DLG2: variants seen among roughly 807,000 people sequenced by gnomAD.
The protein encoded by DLG2 is disks large homolog 2.
A neutral mutation model predicts 132.5 loss-of-function variants in DLG2; 45 were observed. That is an observed-to-expected ratio of 0.34 (90% CI 0.27 to 0.44). DLG2 has a LOEUF of 0.44. DLG2 is among the 20% of genes least tolerant of loss of function. DLG2 has a pLI of 1.00. For synonymous variants in DLG2, 424 were observed against 419.6 expected (o/e 1.01, Z -0.13); for missense variants, 1,045 against 1,196.9 (o/e 0.87, Z 1.87).
At chr11:84,900,692 T>A (rs751812039) in intron 6 of DLG2, among the ~76,000 whole-genome samples, 2 of 152,080 alleles carry the variant, frequency 1.3e-5, no homozygotes, top group Non-Finnish European at 2.9e-5. Context: ...TCATTGAAGA[T>A]AGAACTAAAT....
chr11:84,961,827 G>C (rs1208825251), intron 6 of DLG2, among the ~76,000 whole-genome samples: 1 of 152,160 alleles, frequency 6.6e-6, no homozygotes, highest in Non-Finnish European at 1.5e-5. Flanking sequence ...AAGGTCTGTA[G>C]CTGAAACTGA....
At chr11:85,377,616 T>G (rs903711600) in intron 3 of DLG2, among the ~76,000 whole-genome samples, 1 of 151,972 alleles carries the variant, frequency 6.6e-6, no homozygotes, top group African/African-American at 2.4e-5. Context: ...TGTTCCTTAG[T>G]TTCTGAGAGC....
intron 6 of DLG2, among the ~76,000 whole-genome samples, chr11:84,748,024 A>G (rs1484139491): frequency 4.6e-5 from 7 of 152,218 alleles, no homozygotes; most frequent in South Asian, 4.1e-4. Flanking sequence ...CCCTGTTGCT[A>G]CAGTGCTGAT....
At chr11:84,086,547 T>C (rs1594929842) in intron 10 of DLG2, among the ~76,000 whole-genome samples, 1 of 150,614 alleles carries the variant, frequency 6.6e-6, no homozygotes, top group Non-Finnish European at 1.5e-5. Flanking sequence ...TGGAGTGTAG[T>C]AGTGCAATCA....
At chr11:84,656,671 G>C (rs1027172948) in intron 6 of DLG2, among the ~76,000 whole-genome samples, 1 of 152,082 alleles carries the variant, frequency 6.6e-6, no homozygotes, top group Non-Finnish European at 1.5e-5. Flanking sequence ...GAAACAGAGA[G>C]ATCACAGTTC....
intron 6 of DLG2, among the ~76,000 whole-genome samples, chr11:84,921,940 T>C (rs1175093699): frequency 6.6e-6 from 1 of 152,162 alleles, no homozygotes; most frequent in African/African-American, 2.4e-5. Flanking sequence ...TCTATAGAAC[T>C]CTGCAAAATG....
At chr11:84,439,798 A>G (rs2099012064) in intron 7 of DLG2, among the ~76,000 whole-genome samples, 1 of 152,212 alleles carries the variant, frequency 6.6e-6, no homozygotes, top group South Asian at 2.1e-4. Flanking sequence ...AGATAAAAAG[A>G]ACGGGGATAA....
At chr11:84,733,929 T>C (rs1243565328) in intron 6 of DLG2, among the ~76,000 whole-genome samples, 1 of 152,196 alleles carries the variant, frequency 6.6e-6, no homozygotes, top group Non-Finnish European at 1.5e-5. Flanking sequence ...GTCAGGTTTG[T>C]CAAAGATCAG....
At chr11:85,619,924 A>G (rs997876057) in intron 2 of DLG2, among the ~76,000 whole-genome samples, 1 of 152,232 alleles carries the variant, frequency 6.6e-6, no homozygotes, top group Non-Finnish European at 1.5e-5. Flanking sequence ...CAAAAGGAAT[A>G]AAATAACCAC....
At chr11:85,471,750 A>G (rs2092991055) in intron 3 of DLG2, among the ~76,000 whole-genome samples, 1 of 152,224 alleles carries the variant, frequency 6.6e-6, no homozygotes, top group African/African-American at 2.4e-5. Flanking sequence ...CCCAGAAAGC[A>G]AATAGCAACA....
intron 3 of DLG2, among the ~76,000 whole-genome samples, chr11:85,486,680 C>A (rs1183762210): frequency 6.6e-6 from 1 of 152,090 alleles, no homozygotes; most frequent in Non-Finnish European, 1.5e-5. Context: ...GCAGTCACCA[C>A]CAACACCAGT....
At chr11:83,706,039 A>T (rs2153653250) in intron 18 of DLG2, among the ~76,000 whole-genome samples, 1 of 152,222 alleles carries the variant, frequency 6.6e-6, no homozygotes, top group East Asian at 1.9e-4. Context: ...CAACATGGTG[A>T]AACCCCGTCT....
intron 8 of DLG2, among the ~76,000 whole-genome samples, chr11:84,193,463 G>C (rs1177456339): frequency 6.6e-6 from 1 of 152,186 alleles, no homozygotes; most frequent in East Asian, 1.9e-4. Flanking sequence ...TGAAAACAGT[G>C]CTTAGAAGAA....
intron 6 of DLG2, among the ~76,000 whole-genome samples, chr11:84,842,904 CA>C: frequency 6.6e-6 from 1 of 151,860 alleles, no homozygotes; most frequent in Non-Finnish European, 1.5e-5. Flanking sequence ...ACACACACAG[CA>C]AAAATTGGCC....
At chr11:83,978,465 A>C (rs1176920110) in intron 12 of DLG2, among the ~76,000 whole-genome samples, 1 of 152,174 alleles carries the variant, frequency 6.6e-6, no homozygotes, top group Non-Finnish European at 1.5e-5. Flanking sequence ...TAAAGTTTAT[A>C]TTCCAGAAAG....
chr11:84,103,887 C>T (rs553343958), intron 9 of DLG2, among the ~76,000 whole-genome samples: 5 of 150,930 alleles, frequency 3.3e-5, no homozygotes, highest in Admixed American at 6.6e-5. Context: ...AATGTTGTAC[C>T]GACAATGATT....
rs183601670 is a variant in DLG2, at chr11:83,977,733, G to C, written c.1056+2773C>G. Among the ~76,000 whole-genome samples the C allele has an allele frequency of 4.1e-3, 630 of 152,172 alleles. 4 individuals are homozygous for C. The highest frequency in any genetic ancestry group is 0.014 in the Middle Eastern group (4 of 294). On this transcript the variant is annotated intron_variant, in intron 12 of 27. Transcript: ENST00000376104. Reference sequence around the variant, plus strand: ...CTTTTGCACAATGCTCTCAAGTTCAGCTTAAGCAATGCTCCTCTGGAAGTT... The same window carrying C: ...CTTTTGCACAATGCTCTCAAGTTCACCTTAAGCAATGCTCCTCTGGAAGTT...
At chr11:85,150,605 C>T (rs1243738140) in intron 5 of DLG2, among the ~76,000 whole-genome samples, 1 of 151,434 alleles carries the variant, frequency 6.6e-6, no homozygotes, top group East Asian at 1.9e-4. Flanking sequence ...AGTGTTTGTC[C>T]TTTTGTGACT....
chr11:84,428,902 G>A (rs1451159623), intron 7 of DLG2, among the ~76,000 whole-genome samples: 1 of 152,172 alleles, frequency 6.6e-6, no homozygotes, highest in African/African-American at 2.4e-5. Context: ...TTAGTTTGAT[G>A]TCATTGTTGG....
Sources: gnomAD v4.1 joint callset for allele counts (sites outside exome capture counted in the v4.1 genomes callset) on GRCh38, gnomAD v4.1.1 for gene constraint, MANE v1.5 for transcripts, NCBI Gene and HGNC (gene_info 2026-07-23, HGNC 2026-07-21) for gene names.